The following PAH variants were observed in gnomAD, a reference collection of about 807,000 sequenced individuals.
The protein encoded by PAH is phenylalanine hydroxylase, also known as phenylalanine-4-hydroxylase.
PAH carries 64 observed loss-of-function variants against 62.0 expected under a neutral mutation model. The ratio of observed to expected loss-of-function variants is 1.03; its 90% CI spans 0.84 to 1.27. The LOEUF is 1.27. PAH is among the 50% of genes most tolerant of loss of function. PAH has a pLI of 0.00. For synonymous variants in PAH, 195 were observed against 196.2 expected (o/e 0.99, Z 0.05); for missense variants, 579 against 542.8 (o/e 1.07, Z -0.66).
At chr12:102,915,925 C>T (rs1878362035) in intron 1 of PAH, among the ~76,000 whole-genome samples, 1 of 152,130 alleles carries the variant, frequency 6.6e-6, no homozygotes, top group African/African-American at 2.4e-5. Context: ...GATTCTCAAT[C>T]TTCTAAGTGC....
At chr12:102,958,393 CGCAGCAGCAGCAGCAGCAGCAGCAGCA>C (rs3832799), upstream of PAH, 14 of 1,507,072 alleles carry the variant, frequency 9.3e-6, no homozygotes, top group Non-Finnish European at 1.2e-5. Context: ...GCGCAGAGCG[CGCAGCAGCAGCAGCAGCAGCAGCAGCA>C]GCAGCAGCAG....
intron 5 of PAH, among the ~76,000 whole-genome samples, chr12:102,860,781 G>A (rs921950706): frequency 6.6e-5 from 10 of 152,168 alleles, no homozygotes; most frequent in African/African-American, 2.4e-4. Context: ...GGCTAGCCAC[G>A]TGTAGAAAGC....
intron 3 of PAH, among the ~76,000 whole-genome samples, chr12:102,888,605 G>C (rs995391579): frequency 1.3e-5 from 2 of 150,792 alleles, no homozygotes; most frequent in African/African-American, 4.9e-5. Flanking sequence ...AGAGTTGCCT[G>C]TGACTGACTG....
intron 2 of PAH, among the ~76,000 whole-genome samples, chr12:102,906,001 G>GT (rs1877961263): frequency 6.6e-6 from 1 of 151,986 alleles, no homozygotes; most frequent in Admixed American, 6.6e-5. Context: ...AGTATTCAGA[G>GT]TATATAAAAT....
intron 5 of PAH, among the ~76,000 whole-genome samples, chr12:102,864,645 G>A (rs1164725518): frequency 6.6e-6 from 1 of 152,112 alleles, no homozygotes; most frequent in Non-Finnish European, 1.5e-5. Context: ...GTAGAGTGTT[G>A]CCTTCTTTGA....
Position 102,851,734 on chromosome 12 carries a change from C to T in PAH, c.865G>A (p.Gly289Arg), listed in dbSNP as rs199475693. ...PEPDICHELL[G>R]HVPLFSDRSF... Reference sequence around the variant, plus strand: ...CGATCTGAAAACAAGGGCACATGTCCCAACAGCTCATGGCAGATGTCACTG... The same window carrying T: ...CGATCTGAAAACAAGGGCACATGTCTCAACAGCTCATGGCAGATGTCACTG... The change falls in exon 8 of 13, where the codon GGA becomes AGA. Residue 289 changes from glycine (G) to arginine (R), a missense_variant. Physicochemically the swap from Gly to Arg is moderately radical, Grantham distance 125. Transcript: ENST00000553106. The T allele has an allele frequency of 6.2e-7, 1 of 1,613,916 alleles. No individual in the cohort carries two copies. The highest frequency in any genetic ancestry group is 1.7e-5 in the Admixed American group (1 of 59,992).
At chr12:102,917,465 A>C, upstream of PAH, 2 of 387,148 alleles carry the variant, frequency 5.2e-6, no homozygotes, top group Non-Finnish European at 5.0e-6. Context: ...CGGGCCACCC[A>C]AGCCCCGTCG....
chr12:102,945,574 T>C (rs1417491071), intron 1 of PAH, among the ~76,000 whole-genome samples: 1 of 152,098 alleles, frequency 6.6e-6, no homozygotes, highest in East Asian at 1.9e-4. Context: ...TCACCCTGGC[T>C]ACCACTGCCC....
At chr12:102,922,482 A>T (rs902395715) in intron 1 of PAH, among the ~76,000 whole-genome samples, 1 of 152,134 alleles carries the variant, frequency 6.6e-6, no homozygotes, top group African/African-American at 2.4e-5. Flanking sequence ...GTGAGTCACC[A>T]CGCCCGGCCC....
upstream of PAH, chr12:102,953,167 T>C (rs1332038784): frequency 6.6e-6 from 1 of 152,210 alleles, no homozygotes; most frequent in Non-Finnish European, 1.5e-5. Flanking sequence ...AAAGCATCCA[T>C]TGCTTCTGGA....
At chr12:102,858,841 T>C (rs1192255265) in intron 5 of PAH, among the ~76,000 whole-genome samples, 1 of 152,150 alleles carries the variant, frequency 6.6e-6, no homozygotes, top group East Asian at 1.9e-4. Flanking sequence ...GAGGGAAATT[T>C]ATAGCACTAA....
At position 102,844,801 on chromosome 12, in the gene PAH, G is replaced by A. The variant is rs533145357; in HGVS notation, c.970-370C>T. Among the ~76,000 whole-genome samples, 5 of 152,294 alleles carry A rather than the reference G, an allele frequency of 3.3e-5. No homozygotes were observed. The East Asian group carries it at 7.7e-4, about 24-fold the overall frequency. ...ACTCGCACCCAACCACCACCCAGGG[G>A]TTCTCAGGCCTTTGGTCTCAGACTG... On this transcript the variant is annotated intron_variant, in intron 9 of 12. Transcript: ENST00000553106.
At chr12:102,900,520 T>A (rs61942045) in intron 2 of PAH, among the ~76,000 whole-genome samples, 2 of 152,212 alleles carry the variant, frequency 1.3e-5, no homozygotes, top group Non-Finnish European at 1.5e-5. Flanking sequence ...ATGTAACTGC[T>A]ACTTACTTGG....
intron 2 of PAH, among the ~76,000 whole-genome samples, chr12:102,910,329 T>C (rs1878151087): frequency 6.6e-6 from 1 of 151,846 alleles, no homozygotes; most frequent in South Asian, 2.1e-4. Flanking sequence ...ACCACAGGAA[T>C]CACACTTGGG....
At chr12:102,864,942 T>C (rs1875888500) in intron 5 of PAH, among the ~76,000 whole-genome samples, 1 of 152,188 alleles carries the variant, frequency 6.6e-6, no homozygotes, top group Admixed American at 6.6e-5. Flanking sequence ...GCTTTTAATT[T>C]TTTAAAAAGG....
chr12:102,921,308 T>G (rs527892175), upstream of PAH, among the ~76,000 whole-genome samples: 1 of 152,324 alleles, frequency 6.6e-6, no homozygotes, highest in East Asian at 1.9e-4. Context: ...ACCTCTTAGA[T>G]TTCCCATGCT....
intron 5 of PAH, among the ~76,000 whole-genome samples, chr12:102,855,823 AC>A (rs1875399920): frequency 6.6e-6 from 1 of 152,106 alleles, no homozygotes; most frequent in South Asian, 2.1e-4. Context: ...AGTGGGCTAA[AC>A]TGGATTTAAT....
chr12:102,942,497 C>A lies in PAH; in HGVS notation c.-96+8092G>T, dbSNP rs111564235. ...ATTGGTAAAATGGCCATACTACCCACAACAGATTCATTGCTATTTCTATGA... is the reference window on the plus strand; with the variant it reads ...ATTGGTAAAATGGCCATACTACCCAAAACAGATTCATTGCTATTTCTATGA... On this transcript the variant is annotated intron_variant, in intron 1 of 3. Coordinates refer to the PAH transcript ENST00000546844. Among the ~76,000 whole-genome samples, 1,211 of 151,014 alleles carry A rather than the reference C, an allele frequency of 8.0e-3. 16 individuals are homozygous for A. The highest frequency in any genetic ancestry group is 0.027 in the African/African-American group (1,127 of 41,454).
intron 1 of PAH, among the ~76,000 whole-genome samples, chr12:102,948,453 TG>T (rs1332229773): frequency 2.0e-5 from 3 of 151,602 alleles, no homozygotes; most frequent in Non-Finnish European, 2.9e-5. Context: ...GCTACTGGAG[TG>T]GAGAAAGTCA....
Sources: allele counts gnomAD v4.1 joint callset (sites outside exome capture counted in the v4.1 genomes callset), GRCh38; gene constraint gnomAD v4.1.1; transcripts MANE v1.5; gene names NCBI Gene and HGNC (gene_info 2026-07-23, HGNC 2026-07-21).